Variants in CHCHD6 observed in about 807,000 individuals in gnomAD.
CHCHD6 encodes the protein MICOS complex subunit MIC25.
A neutral mutation model predicts 32.3 loss-of-function variants in CHCHD6; 28 were observed. The observed-to-expected ratio is 0.87, with a 90% CI of 0.64 to 1.19. The LOEUF is 1.19. Ranked by LOEUF, CHCHD6 falls within the 50% of genes most tolerant of loss-of-function variation. The pLI, the probability that CHCHD6 is intolerant of heterozygous loss-of-function variation, is 0.00. For missense variants in CHCHD6, 333 were observed against 307.0 expected (o/e 1.08, Z -0.63); for synonymous variants, 122 against 117.5 (o/e 1.04, Z -0.25).
intron 6 of CHCHD6, among the ~76,000 whole-genome samples, chr3:126,934,170 G>A (rs1326544116): frequency 3.3e-5 from 5 of 152,200 alleles, no homozygotes; most frequent in East Asian, 1.9e-4. Flanking sequence ...GGATATATTA[G>A]GAGTCAAAGA....
chr3:126,827,995 A>G (rs1268396641), intron 4 of CHCHD6, among the ~76,000 whole-genome samples: 7 of 151,908 alleles, frequency 4.6e-5, no homozygotes. Flanking sequence ...ACTCCTATTT[A>G]TTCTTCAAGT....
At chr3:126,778,660 A>T (rs1471333172) in intron 4 of CHCHD6, among the ~76,000 whole-genome samples, 1 of 152,118 alleles carries the variant, frequency 6.6e-6, no homozygotes, top group African/African-American at 2.4e-5. Flanking sequence ...TATGTTCTGG[A>T]TAGTAATCCT....
At chr3:126,705,633 T>G (rs1338386435) in intron 1 of CHCHD6, among the ~76,000 whole-genome samples, 1 of 151,862 alleles carries the variant, frequency 6.6e-6, no homozygotes, top group Non-Finnish European at 1.5e-5. Flanking sequence ...TAAGTAACTG[T>G]GGAGAGATGA....
At chr3:126,892,116 A>G (rs1018754110) in intron 5 of CHCHD6, among the ~76,000 whole-genome samples, 3 of 152,120 alleles carry the variant, frequency 2.0e-5, no homozygotes, top group African/African-American at 7.2e-5. Flanking sequence ...TCTGAGCAAG[A>G]CACCGGGGGG....
chr3:126,958,877 T>A (rs1280171996), intron 7 of CHCHD6, among the ~76,000 whole-genome samples: 2 of 152,184 alleles, frequency 1.3e-5, no homozygotes, highest in Admixed American at 1.3e-4. Context: ...CTTAGCTCCC[T>A]ACTCACCAGC....
chr3:126,814,740 T>A (rs1249575538), intron 4 of CHCHD6, among the ~76,000 whole-genome samples: 1 of 152,116 alleles, frequency 6.6e-6, no homozygotes, highest in African/African-American at 2.4e-5. Flanking sequence ...GAAATGTAAG[T>A]GTTTCCCTGA....
intron 4 of CHCHD6, among the ~76,000 whole-genome samples, chr3:126,842,058 G>A (rs371428450): frequency 2.0e-5 from 3 of 152,202 alleles, no homozygotes; most frequent in South Asian, 2.1e-4. Flanking sequence ...AGACCAGCCC[G>A]GGCAACAAAA....
At chr3:126,817,505 G>A (rs1410340993) in intron 4 of CHCHD6, among the ~76,000 whole-genome samples, 1 of 152,190 alleles carries the variant, frequency 6.6e-6, no homozygotes, top group Non-Finnish European at 1.5e-5. Flanking sequence ...GGCTGAGCCT[G>A]CAAGTGCCTG....
intron 4 of CHCHD6, among the ~76,000 whole-genome samples, chr3:126,849,196 A>T (rs1046017505): frequency 4.6e-5 from 7 of 152,366 alleles, no homozygotes; most frequent in Middle Eastern, 3.4e-3. Flanking sequence ...CCTAGGCTGC[A>T]GGTCGCCAGC....
At chr3:126,851,751 T>C (rs913941040) in intron 4 of CHCHD6, among the ~76,000 whole-genome samples, 1 of 152,252 alleles carries the variant, frequency 6.6e-6, no homozygotes, top group Non-Finnish European at 1.5e-5. Flanking sequence ...TGCCGTGTGC[T>C]GGTGACCCTT....
chr3:126,842,404 A>G (rs993791038), intron 4 of CHCHD6, among the ~76,000 whole-genome samples: 2 of 152,296 alleles, frequency 1.3e-5, no homozygotes, highest in African/African-American at 4.8e-5. Context: ...GTTATAATAC[A>G]TGTTCTTAGA....
intron 4 of CHCHD6, among the ~76,000 whole-genome samples, chr3:126,769,493 T>C (rs1393415526): frequency 6.6e-6 from 1 of 152,182 alleles, no homozygotes; most frequent in Non-Finnish European, 1.5e-5. Context: ...GCCTGGGCTA[T>C]TTGGGCTCTT....
intron 5 of CHCHD6, among the ~76,000 whole-genome samples, chr3:126,858,766 T>C (rs1941752638): frequency 1.3e-5 from 2 of 152,238 alleles, no homozygotes; most frequent in Admixed American, 6.5e-5. Context: ...TCTATAATTC[T>C]GAGTACCTCC....
intron 6 of CHCHD6, among the ~76,000 whole-genome samples, chr3:126,939,680 G>A (rs906391132): frequency 6.6e-6 from 1 of 152,180 alleles, no homozygotes; most frequent in Non-Finnish European, 1.5e-5. Flanking sequence ...AAGATGGGAC[G>A]CCAAAATAAA....
intron 6 of CHCHD6, among the ~76,000 whole-genome samples, chr3:126,935,351 C>T (rs531180442): frequency 4.3e-4 from 66 of 152,280 alleles, no homozygotes; most frequent in African/African-American, 1.4e-3. Context: ...AGTGTGGACC[C>T]TCCTGGGACA....
chr3:126,744,711 A>G (rs1936420183), intron 4 of CHCHD6, among the ~76,000 whole-genome samples: 1 of 151,840 alleles, frequency 6.6e-6, no homozygotes, highest in Non-Finnish European at 1.5e-5. Flanking sequence ...TCCCCGAGAC[A>G]GAGTCTCATT....
intron 4 of CHCHD6, among the ~76,000 whole-genome samples, chr3:126,820,336 A>G (rs1370651643): frequency 6.6e-6 from 1 of 152,254 alleles, no homozygotes; most frequent in Non-Finnish European, 1.5e-5. Flanking sequence ...GGATCAAGAT[A>G]TAGACCATTT....
intron 6 of CHCHD6, among the ~76,000 whole-genome samples, chr3:126,925,983 C>G (rs1049659508): frequency 3.3e-5 from 5 of 152,184 alleles, no homozygotes; most frequent in Non-Finnish European, 7.3e-5. Flanking sequence ...TAACAATGGA[C>G]GAGACCATCC....
chr3:126,705,084 T>C (rs1934413355), intron 1 of CHCHD6, among the ~76,000 whole-genome samples: 1 of 152,092 alleles, frequency 6.6e-6, no homozygotes, highest in African/African-American at 2.4e-5. Context: ...CAGCTCAGGG[T>C]CTGTGCGCCG....
Sources: gnomAD v4.1 joint callset for allele counts (sites outside exome capture counted in the v4.1 genomes callset) on GRCh38, gnomAD v4.1.1 for gene constraint, MANE v1.5 for transcripts, NCBI Gene and HGNC (gene_info 2026-07-23, HGNC 2026-07-21) for gene names.